AGAP4: variants seen among roughly 807,000 people sequenced by gnomAD.
AGAP4 encodes ArfGAP with GTPase domain, ankyrin repeat and PH domain 4, also known as arf-GAP with GTPase, ANK repeat and PH domain-containing protein 4.
AGAP4 carries 13 observed loss-of-function variants against 60.7 expected under a neutral mutation model. That is an observed-to-expected ratio of 0.21 (90% confidence interval 0.14 to 0.34). AGAP4 has a LOEUF of 0.34. AGAP4 is among the 10% of genes least tolerant of loss of function. The pLI is 1.00. For missense variants in AGAP4, 169 were observed against 884.0 expected (o/e 0.19, Z 10.26); for synonymous variants, 70 against 339.0 (o/e 0.21, Z 8.72).
At position 45,847,482 on chromosome 10, in the gene AGAP4, G is replaced by A. The variant is rs1268062771; in HGVS notation, c.-135C>T. On this transcript the variant is annotated 5_prime_UTR_variant, in exon 1 of 8. Coordinates refer to ENST00000616763, the MANE Select transcript of AGAP4 (RefSeq NM_001276343.3). ...GCTCCTCGCCTGCCCACCTCACAGC[G>A]CGGCCCCGGGCACCAGCCCTGGCCC... 1.3e-4 allele frequency: 205 copies of A among 1,529,442 alleles called. 1 individual carries two copies. The highest frequency in any genetic ancestry group is 2.3e-4 in the Middle Eastern group (1 of 4,330). 94.7% of individuals were successfully genotyped at this position (1,529,442 alleles called of 1,614,324 possible).
At chr10:45,853,758 C>G (rs2917182) in exon 1 of AGAP4, 5 of 1,287,734 alleles carry the variant, frequency 3.9e-6, no homozygotes, top group Non-Finnish European at 5.1e-6. Context: ...GAAGACCTTA[C>G]AGTTCTCATG....
At chr10:45,843,184 C>G (rs1414001340) in intron 3 of AGAP4, among the ~76,000 whole-genome samples, 1 of 117,954 alleles carries the variant, frequency 8.5e-6, no homozygotes, top group Non-Finnish European at 1.7e-5. Flanking sequence ...ATAGTCCCAA[C>G]TACTCGGGAG....
chr10:45,847,182 C>A lies in AGAP4; in HGVS notation c.166G>T (p.Val56Phe), dbSNP rs1283424938. 167 of 1,601,102 alleles carry A rather than the reference C, an allele frequency of 1.0e-4. 1 individual carries two copies. In the East Asian group the frequency reaches 2.9e-3, roughly 28 times the overall value. The change falls in exon 1 of 8, where the codon GTT (valine) becomes TTT (phenylalanine). Residue 56 changes from valine (V) to phenylalanine (F), a missense_variant. Transcript: ENST00000616763. ...AAAVQPAEVTVEVGEDLHMHH... is the reference protein window; with the variant it reads ...AAAVQPAEVTFEVGEDLHMHH... ...ATGTGGAGGTCCTCACCAACTTCAA[C>A]AGTCACCTCAGCAGGCTGTACAGCA... is the stretch of plus-strand genomic sequence containing the variant.
At chr10:45,838,848 A>G (rs1420173543) in intron 4 of AGAP4, among the ~76,000 whole-genome samples, 1 of 151,138 alleles carries the variant, frequency 6.6e-6, no homozygotes, top group African/African-American at 2.4e-5. Flanking sequence ...ATTCAGGAAA[A>G]CAGCTCCATC....
upstream of AGAP4, among the ~76,000 whole-genome samples, chr10:45,849,647 T>G (rs1444456793): frequency 1.3e-5 from 2 of 151,248 alleles, no homozygotes; most frequent in Non-Finnish European, 2.9e-5. Flanking sequence ...AACACTATTT[T>G]TTTTTTTTTT....
intron 1 of AGAP4, among the ~76,000 whole-genome samples, chr10:45,852,710 C>T (rs1418908064): frequency 4.6e-5 from 7 of 151,638 alleles, no homozygotes; most frequent in Non-Finnish European, 8.8e-5. Context: ...CGGGAAACCA[C>T]AGTGGAAGGA....
chr10:45,828,686 CT>C (rs1229743163), intron 6 of AGAP4, among the ~76,000 whole-genome samples: 89 of 41,362 alleles, frequency 2.2e-3, no homozygotes, highest in African/African-American at 5.0e-3. Flanking sequence ...CATAACTGTT[CT>C]TTTTTTTTTT....
At chr10:45,853,803 T>G (rs2059110931) in exon 1 of AGAP4, 1 of 1,287,136 alleles carries the variant, frequency 7.8e-7, no homozygotes, top group African/African-American at 1.5e-5. Context: ...GACAAGATCT[T>G]GTCTTTGCTG....
chr10:45,834,220 A>G, intron 4 of AGAP4, 104 bp from the exon 5 acceptor site: 1 of 915,506 alleles, frequency 1.1e-6, no homozygotes, highest in South Asian at 2.5e-5. Flanking sequence ...ACTCCATGAA[A>G]TGCCTGAGTG....
At chr10:45,840,050 A>G (rs1261652511) in intron 4 of AGAP4, among the ~76,000 whole-genome samples, 32 of 150,378 alleles carry the variant, frequency 2.1e-4, no homozygotes, top group Non-Finnish European at 4.4e-4. Flanking sequence ...AATAAAAAAA[A>G]AAATTCTCAA....
At chr10:45,832,504 G>C (rs75685939) in intron 5 of AGAP4, among the ~76,000 whole-genome samples, 46,757 of 136,350 alleles carry the variant, frequency 0.34, 10,632 homozygotes, top group South Asian at 0.61. Flanking sequence ...GTATGGCTTT[G>C]GGCATCAAGG....
chr10:45,834,471 C>T (rs1238509942), intron 4 of AGAP4, among the ~76,000 whole-genome samples: 3 of 134,570 alleles, frequency 2.2e-5, no homozygotes, highest in East Asian at 4.3e-4. Context: ...GTCAAGAGAT[C>T]GAGACCATCC....
intron 2 of AGAP4, chr10:45,844,612 C>G: frequency 2.1e-6 from 1 of 479,512 alleles, no homozygotes; most frequent in Non-Finnish European, 3.6e-6. Flanking sequence ...CACTTGAACC[C>G]AGGTCAGGAA....
upstream of AGAP4, among the ~76,000 whole-genome samples, chr10:45,852,233 A>AC (rs1474776746): frequency 5.6e-5 from 8 of 143,654 alleles, no homozygotes; most frequent in South Asian, 2.1e-4. Flanking sequence ...AAAAAAAAAA[A>AC]AAAAAAAAAA....
In AGAP4 at chr10:45,845,604, T is replaced by C. The variant is rs1239840147; in HGVS notation, c.292+1083A>G. On this transcript the variant is annotated intron_variant, in intron 2 of 7. Coordinates refer to ENST00000616763, the MANE Select transcript of AGAP4 (RefSeq NM_001276343.3). Reference sequence around the variant, plus strand: ...AGAGACTAAAAAACTCCAACTTTCTTTCCTTTTTTTTTTTGTGAGACGGAG... The same window carrying C: ...AGAGACTAAAAAACTCCAACTTTCTCTCCTTTTTTTTTTTGTGAGACGGAG... 1.2e-3 allele frequency among the ~76,000 whole-genome samples: 140 copies of C among 115,646 alleles called. 20 individuals are homozygous for C. Among genetic ancestry groups the C allele is most frequent in the African/African-American group, 4.1e-3 (130 of 31,774 alleles). 75.9% of individuals were successfully genotyped at this position (115,646 alleles called of 152,430 possible). A position where few individuals can be genotyped will look rare whatever the true frequency, so the allele number is the denominator to read the frequency against.
At chr10:45,852,398 ATT>A (rs1271565262), upstream of AGAP4, among the ~76,000 whole-genome samples, 1 of 137,882 alleles carries the variant, frequency 7.3e-6, no homozygotes, top group African/African-American at 2.7e-5. Context: ...AAGGAGTTCA[ATT>A]ATAAATAAGT....
At position 45,826,197 on chromosome 10, in the gene AGAP4, C is replaced by G; in HGVS notation, c.1779G>C (p.Arg593=). The change falls in exon 8 of 8, where the codon CGG becomes CGC. Residue 593 remains arginine, a synonymous_variant. Transcript: ENST00000616763. The stretch of plus-strand genomic sequence containing the variant: ...TCTGCAGGTCCTCATCAGCGGTGGC[C>G]CGCAGCAGCTGCTGGCCCAGGGACA... ...TELSLGQQLL[R]ATADEDLQTA... is the part of the protein sequence containing the mutation. The G allele has an allele frequency of 6.7e-7, 1 of 1,488,288 alleles. No individual in the cohort carries two copies. Among genetic ancestry groups the G allele is most frequent in the Admixed American group, 1.9e-5 (1 of 52,558 alleles). The allele number at this position is 1,488,288 out of a possible 1,614,324, so 92.2% of individuals were successfully genotyped here. A position where few individuals can be genotyped will look rare whatever the true frequency, so the allele number is the denominator to read the frequency against.
chr10:45,847,560 T>C (rs1312208409), upstream of AGAP4: 1 of 1,441,658 alleles, frequency 6.9e-7, no homozygotes, highest in Non-Finnish European at 9.0e-7. Flanking sequence ...CGCACCCTGC[T>C]GCCTCCCCTG....
At position 45,834,388 on chromosome 10, in the gene AGAP4, C is replaced by T. The variant is rs1314891993; in HGVS notation, c.397-272G>A. 9.1e-4 allele frequency among the ~76,000 whole-genome samples: 129 copies of T among 141,956 alleles called. 3 individuals carry two copies. The East Asian group carries it at 0.023, about 26-fold the overall frequency. 93.1% of individuals were successfully genotyped at this position (141,956 alleles called of 152,430 possible). A position where few individuals can be genotyped will look rare whatever the true frequency, so the allele number is the denominator to read the frequency against. On this transcript the variant is annotated intron_variant, in intron 4 of 7. Transcript: ENST00000616763. Reference sequence around the variant, plus strand: ...TACCGTTAAAAATAATGGGAAAAGTCGGCTTCGCGGGGCACGGTGGCTCAC... The same window carrying T: ...TACCGTTAAAAATAATGGGAAAAGTTGGCTTCGCGGGGCACGGTGGCTCAC...
Sources: allele counts gnomAD v4.1 joint callset (sites outside exome capture counted in the v4.1 genomes callset), GRCh38; gene constraint gnomAD v4.1.1; transcripts MANE v1.5; gene names NCBI Gene and HGNC (gene_info 2026-07-23, HGNC 2026-07-21).